FBXO25: variants seen among roughly 807,000 people sequenced by gnomAD.
FBXO25 encodes the protein F-box only protein 25.
A neutral mutation model predicts 51.9 loss-of-function variants in FBXO25; 45 were observed. That is an observed-to-expected ratio of 0.87 (90% confidence interval 0.68 to 1.11). The LOEUF (loss-of-function observed/expected upper bound fraction) is 1.11. Among genes scored for constraint, FBXO25 ranks in the 50% most tolerant of loss-of-function variants. The pLI is 0.00. For missense variants in FBXO25, 507 were observed against 428.5 expected (o/e 1.18, Z -1.62); for synonymous variants, 199 against 151.0 (o/e 1.32, Z -2.33).
At chr8:409,514 G>A (rs1024426268) in intron 1 of FBXO25, among the ~76,000 whole-genome samples, 1 of 152,078 alleles carries the variant, frequency 6.6e-6, no homozygotes, top group Non-Finnish European at 1.5e-5. Context: ...TAAAAGAATT[G>A]GTTATATTAA....
intron 1 of FBXO25, chr8:407,526 C>A (rs1276615713): frequency 1.2e-6 from 1 of 823,254 alleles, no homozygotes; most frequent in South Asian, 5.5e-5. Flanking sequence ...CAGCCGCTTC[C>A]CCTGCCCACC....
At chr8:421,650 T>C (rs1442654516) in intron 2 of FBXO25, among the ~76,000 whole-genome samples, 1 of 152,162 alleles carries the variant, frequency 6.6e-6, no homozygotes, top group East Asian at 1.9e-4. Context: ...TGTGAGTTAG[T>C]ATAACACATC....
At position 476,800 on chromosome 8, in the gene FBXO25, T is replaced by C. The variant is rs1800656606; in HGVS notation, c.*7996T>C. ...GCTTTTCTGTTCTCTATTTTGTCTC[T>C]GCTCTAATCTTTATTATTATTATAA... On this transcript the variant is annotated 3_prime_UTR_variant, in exon 10 of 10. Coordinates refer to ENST00000350302, the MANE Select transcript of FBXO25 (RefSeq NM_183420.2). 1 of 148,970 alleles carries C rather than the reference T, an allele frequency of 6.7e-6. No individual in the cohort carries two copies. The highest frequency in any genetic ancestry group is 1.5e-5 in the Non-Finnish European group (1 of 67,742). 9.2% of individuals were successfully genotyped at this position (148,970 alleles called of 1,614,324 possible). A position where few individuals can be genotyped will look rare whatever the true frequency, so the allele number is the denominator to read the frequency against.
rs1247600541 is a variant in FBXO25 at position 427,961 on chromosome 8, A to G, written c.135-3380A>G. ...CCCTAGAGTGGTCTGGGAGATGAAG[A>G]TTAAGTCCTTGTTATCCATCTCTTA... is the stretch of plus-strand genomic sequence containing the variant. On this transcript the variant is annotated intron_variant, in intron 2 of 9. Transcript: ENST00000350302. Among the ~76,000 whole-genome samples the G allele has an allele frequency of 2.6e-5, 4 of 152,160 alleles. No individual in the cohort carries two copies. The South Asian group carries it at 6.2e-4, about 24-fold the overall frequency.
rs1304193371 is a variant in FBXO25, at chr8:475,695, A to T, written c.*6891A>T. 1 of 152,044 alleles carries T rather than the reference A, an allele frequency of 6.6e-6. No homozygotes were observed. Among genetic ancestry groups the T allele is most frequent in the Non-Finnish European group, 1.5e-5 (1 of 67,990 alleles). The allele number at this position is 152,044 out of a possible 1,614,324, so 9.4% of individuals were successfully genotyped here. A position where few individuals can be genotyped will look rare whatever the true frequency, so the allele number is the denominator to read the frequency against. On this transcript the variant is annotated 3_prime_UTR_variant, in exon 10 of 10. Coordinates refer to ENST00000350302, the MANE Select transcript of FBXO25 (RefSeq NM_183420.2). ...TACTATTATAATGGAATTTTCTTAA[A>T]TTTCCTTTTGAGATTGCTTGTTATT...
At chr8:467,996 C>T in intron 9 of FBXO25, 3 of 1,344,916 alleles carry the variant, frequency 2.2e-6, no homozygotes, top group African/African-American at 1.5e-5. Context: ...TGCGCATAAA[C>T]ACTTCACCAC....
At chr8:453,488 C>T (rs1799222010) in intron 7 of FBXO25, among the ~76,000 whole-genome samples, 1 of 152,088 alleles carries the variant, frequency 6.6e-6, no homozygotes. Context: ...TACTTGAAAC[C>T]AGTAGAAAGA....
chr8:418,570 C>G (rs1796956686), intron 2 of FBXO25, among the ~76,000 whole-genome samples: 1 of 152,026 alleles, frequency 6.6e-6, no homozygotes, highest in Non-Finnish European at 1.5e-5. Context: ...GATCTCTTGA[C>G]CTCAGGTGAT....
At chr8:462,875 C>T in intron 8 of FBXO25, 132 bp from the exon 9 acceptor site, 1 of 1,075,470 alleles carries the variant, frequency 9.3e-7, no homozygotes, top group Non-Finnish European at 1.3e-6. Context: ...CCAAAACCCA[C>T]TTGTAACCCT....
intron 2 of FBXO25, among the ~76,000 whole-genome samples, chr8:427,244 T>C (rs567076254): frequency 6.4e-4 from 98 of 152,220 alleles, no homozygotes; most frequent in African/African-American, 2.1e-3. Context: ...CAGCTCCTGC[T>C]TGACAGAAGA....
At chr8:450,545 T>A (rs2116721214) in intron 6 of FBXO25, among the ~76,000 whole-genome samples, 1 of 152,354 alleles carries the variant, frequency 6.6e-6, no homozygotes, top group South Asian at 2.1e-4. Context: ...TAGGAATATA[T>A]GACTCTATAT....
At chr8:419,089 G>A (rs1003933197) in intron 2 of FBXO25, among the ~76,000 whole-genome samples, 2 of 152,208 alleles carry the variant, frequency 1.3e-5, no homozygotes, top group African/African-American at 4.8e-5. Context: ...GCTGGGCGTG[G>A]TGGCGCAGGC....
rs1211724123 is a variant in FBXO25 at position 472,041 on chromosome 8, C to G, written c.*3237C>G. The G allele has an allele frequency of 6.6e-6, 1 of 152,186 alleles. No individual in the cohort carries two copies. Among genetic ancestry groups the G allele is most frequent in the Non-Finnish European group, 1.5e-5 (1 of 68,028 alleles). 9.4% of individuals were successfully genotyped at this position (152,186 alleles called of 1,614,324 possible). On this transcript the variant is annotated 3_prime_UTR_variant, in exon 10 of 10. Coordinates refer to ENST00000350302, the MANE Select transcript of FBXO25 (RefSeq NM_183420.2). The stretch of plus-strand genomic sequence containing the variant: ...TGAATAGACAGTTTCACTTCTTCCT[C>G]TCAGTCTAGATGTCCTTTATTCTTT...
chr8:429,263 T>C (rs542683782), intron 2 of FBXO25, among the ~76,000 whole-genome samples: 12 of 152,198 alleles, frequency 7.9e-5, no homozygotes, highest in Non-Finnish European at 1.8e-4. Context: ...TAGTATCTCA[T>C]CGTAGTGTTA....
chr8:455,151 T>A (rs1645485722), intron 7 of FBXO25, among the ~76,000 whole-genome samples: 1 of 152,130 alleles, frequency 6.6e-6, no homozygotes, highest in African/African-American at 2.4e-5. Flanking sequence ...TTATGCCAAA[T>A]GTGTGGACTG....
chr8:467,951 A>T, intron 9 of FBXO25: 1 of 1,413,966 alleles, frequency 7.1e-7, no homozygotes, highest in African/African-American at 1.4e-5. Context: ...TATTTTGCAG[A>T]ACAACACCTG....
chr8:469,239 T>C lies in FBXO25; in HGVS notation c.*435T>C, dbSNP rs1299221615. 1 of 154,938 alleles carries C rather than the reference T, an allele frequency of 6.5e-6. No individual in the cohort carries two copies. Among genetic ancestry groups the C allele is most frequent in the Non-Finnish European group, 1.4e-5 (1 of 69,998 alleles). 9.6% of individuals were successfully genotyped at this position (154,938 alleles called of 1,614,324 possible). A position where few individuals can be genotyped will look rare whatever the true frequency, so the allele number is the denominator to read the frequency against. ...CCTTGTAAATACATTGTACAGAATA[T>C]TTATTTTTTCTCAAAATGCATTTTA... On this transcript the variant is annotated 3_prime_UTR_variant, in exon 10 of 10. Transcript: ENST00000350302.
intron 9 of FBXO25, chr8:468,310 G>C: frequency 9.9e-7 from 1 of 1,009,576 alleles, no homozygotes; most frequent in Non-Finnish European, 1.2e-6. Flanking sequence ...AGGGAACCCT[G>C]TGTAACAAAG....
rs928309982 is a variant in FBXO25 at position 472,116 on chromosome 8, T to G, written c.*3312T>G. ...TCTCTAGTACAATGTTGAATAGCAG[T>G]GCGAGAGTGAACATCCTTGTCTTGT... is the stretch of plus-strand genomic sequence containing the variant. On this transcript the variant is annotated 3_prime_UTR_variant, in exon 10 of 10. Coordinates refer to ENST00000350302, the MANE Select transcript of FBXO25 (RefSeq NM_183420.2). 1 of 152,206 alleles carries G rather than the reference T, an allele frequency of 6.6e-6. No homozygotes were observed. Among genetic ancestry groups the G allele is most frequent in the Non-Finnish European group, 1.5e-5 (1 of 68,048 alleles). 9.4% of individuals were successfully genotyped at this position (152,206 alleles called of 1,614,324 possible).
Sources: gnomAD v4.1 joint callset for allele counts (sites outside exome capture counted in the v4.1 genomes callset) on GRCh38, gnomAD v4.1.1 for gene constraint, MANE v1.5 for transcripts, NCBI Gene and HGNC (gene_info 2026-07-23, HGNC 2026-07-21) for gene names.